Variants in CRX observed in about 807,000 individuals in gnomAD.
The protein encoded by CRX is cone-rod homeobox protein.
Under a neutral mutation model 13.1 loss-of-function variants are expected in CRX, and 5 were observed. The observed-to-expected ratio is 0.38, with a 90% confidence interval of 0.20 to 0.80. The LOEUF is 0.80. Among genes scored for constraint, CRX ranks in the 30% least tolerant of loss-of-function variants. The pLI is 0.43. For missense variants in CRX, 351 were observed against 391.8 expected (o/e 0.90, Z 0.88); for synonymous variants, 179 against 171.1 (o/e 1.05, Z -0.36).
intron 2 of CRX, among the ~76,000 whole-genome samples, chr19:47,834,912 C>T (rs1273151826): frequency 1.3e-5 from 2 of 152,172 alleles, no homozygotes; most frequent in South Asian, 2.1e-4. Flanking sequence ...CTCCTGGGCT[C>T]AAGCAATCCT....
chr19:47,827,558 T>TTG (rs1967989221), intron 1 of CRX, among the ~76,000 whole-genome samples: 1 of 137,990 alleles, frequency 7.2e-6, no homozygotes, highest in Non-Finnish European at 1.6e-5. Context: ...TTTTTTTTTT[T>TTG]GACAGAGTCT....
chr19:47,837,776 GATGT>G (rs1259716403), intron 3 of CRX, among the ~76,000 whole-genome samples: 3 of 152,118 alleles, frequency 2.0e-5, no homozygotes, highest in Non-Finnish European at 4.4e-5. Context: ...ATCTATGTAT[GATGT>G]ATGTGTGTAC....
At chr19:47,828,291 T>C (rs1211564374) in intron 1 of CRX, among the ~76,000 whole-genome samples, 1 of 152,048 alleles carries the variant, frequency 6.6e-6, no homozygotes, top group East Asian at 1.9e-4. Flanking sequence ...AGGGAAGGCA[T>C]TCAAAAAATA....
intron 1 of CRX, among the ~76,000 whole-genome samples, chr19:47,823,351 C>A (rs960627761): frequency 6.6e-6 from 1 of 152,160 alleles, no homozygotes; most frequent in African/African-American, 2.4e-5. Context: ...GCTGTGATTG[C>A]CACAGAGTGA....
At chr19:47,832,105 G>GTTTTTCTTT (rs1555801483) in intron 1 of CRX, among the ~76,000 whole-genome samples, 1 of 91,988 alleles carries the variant, frequency 1.1e-5, no homozygotes, top group Non-Finnish European at 2.1e-5. Flanking sequence ...GCAGCCTTAT[G>GTTTTTCTTT]TTTTTTTTTT....
intron 3 of CRX, among the ~76,000 whole-genome samples, chr19:47,838,865 T>C (rs56191881): frequency 0.3 from 45,551 of 150,344 alleles, 7,761 homozygotes; most frequent in African/African-American, 0.44. Context: ...GATGAAAATG[T>C]GTATGATGTA....
chr19:47,835,529 C>T (rs1294868553), intron 2 of CRX, among the ~76,000 whole-genome samples: 2 of 150,884 alleles, frequency 1.3e-5, no homozygotes, highest in Non-Finnish European at 3.0e-5. Flanking sequence ...GGATTACAGG[C>T]GCACACCACC....
At chr19:47,827,537 C>CTTTTTTTTTTTTT (rs71180887) in intron 1 of CRX, among the ~76,000 whole-genome samples, 1 of 90,384 alleles carries the variant, frequency 1.1e-5, no homozygotes, top group African/African-American at 4.6e-5. Context: ...TTTCTGAAGG[C>CTTTTTTTTTTTTT]TTTTTTTTTT....
intron 2 of CRX, among the ~76,000 whole-genome samples, chr19:47,835,972 G>A (rs183457891): frequency 1.4e-4 from 21 of 152,242 alleles, no homozygotes; most frequent in African/African-American, 5.1e-4. Context: ...GCAATGTCAT[G>A]CTTCAACTGA....
intron 1 of CRX, among the ~76,000 whole-genome samples, chr19:47,824,109 G>A (rs1967945679): frequency 6.6e-6 from 1 of 152,184 alleles, no homozygotes; most frequent in South Asian, 2.1e-4. Flanking sequence ...GCCTGCAGTG[G>A]GAGCAGGGCA....
At chr19:47,834,981 G>C (rs372193126) in intron 2 of CRX, among the ~76,000 whole-genome samples, 1 of 150,518 alleles carries the variant, frequency 6.6e-6, no homozygotes, top group Non-Finnish European at 1.5e-5. Flanking sequence ...GCCTAGGCCC[G>C]GGGGGCACTT....
chr19:47,838,183 A>G (rs1396132389), intron 3 of CRX, among the ~76,000 whole-genome samples: 35 of 152,066 alleles, frequency 2.3e-4, no homozygotes, highest in Admixed American at 2.3e-3. Flanking sequence ...TGATGTATGT[A>G]TGATCAGATA....
chr19:47,828,446 T>C (rs1794714543), intron 1 of CRX, among the ~76,000 whole-genome samples: 1 of 152,118 alleles, frequency 6.6e-6, no homozygotes, highest in Non-Finnish European at 1.5e-5. Flanking sequence ...ATTCTTTTTC[T>C]TATGTTTCAA....
At chr19:47,838,560 GTA>G (rs1296560291) in intron 3 of CRX, among the ~76,000 whole-genome samples, 2 of 152,106 alleles carry the variant, frequency 1.3e-5, no homozygotes, top group Non-Finnish European at 2.9e-5. Flanking sequence ...ATGTATGCGT[GTA>G]TGATGCATGT....
intron 1 of CRX, among the ~76,000 whole-genome samples, chr19:47,824,006 G>A (rs144558386): frequency 2.6e-5 from 4 of 152,138 alleles, no homozygotes; most frequent in Admixed American, 1.3e-4. Context: ...CCCCTCATGT[G>A]GGCTCTCTGG....
intron 1 of CRX, among the ~76,000 whole-genome samples, chr19:47,832,660 A>T (rs1286774705): frequency 6.6e-6 from 1 of 150,832 alleles, no homozygotes; most frequent in Non-Finnish European, 1.5e-5. Context: ...TAATTTTTGT[A>T]TTTTTAGTAG....
At chr19:47,828,547 T>G (rs538715323) in intron 1 of CRX, among the ~76,000 whole-genome samples, 2 of 151,862 alleles carry the variant, frequency 1.3e-5, no homozygotes, top group Non-Finnish European at 2.9e-5. Context: ...GGGAGAGAGA[T>G]AGATAAACAA....
chr19:47,839,453 C>T lies in CRX; in HGVS notation c.386C>T (p.Thr129Ile), dbSNP rs1223082776. The change falls in exon 4 of 4, where the codon ACA (threonine) becomes ATA (isoleucine). Residue 129 changes from threonine to isoleucine, a missense_variant. Physicochemically the swap from Thr to Ile is moderately conservative, Grantham distance 89. Around this residue, in one of 3 missense-constraint regions of CRX, gnomAD observed 253 missense variants for 268.3 expected, o/e 0.94. Coordinates refer to ENST00000221996, the MANE Select transcript of CRX (RefSeq NM_000554.6). This position sits in a 1 kb window ranked among gnomAD's most constrained non-coding sequence, Gnocchi z 4.6. ...GCGGGCACGTCCCCAAGACCCTCCA[C>T]AGATGTGTGTCCAGACCCTCTGGGC... ...RKAGTSPRPS[T>I]DVCPDPLGIS... 1 of 1,614,038 alleles carries T rather than the reference C, an allele frequency of 6.2e-7. No individual in the cohort carries two copies. The highest frequency in any genetic ancestry group is 8.5e-7 in the Non-Finnish European group (1 of 1,179,934).
rs558522333 is a variant in CRX, at chr19:47,834,463, C to T, written c.20C>T (p.Pro7Leu). Reference sequence around the variant, plus strand: ...AAGATCATGATGGCGTATATGAACCCGGGGCCCCACTATTCTGTCAACGCC... The same window carrying T: ...AAGATCATGATGGCGTATATGAACCTGGGGCCCCACTATTCTGTCAACGCC... Reference protein sequence around the residue: MMAYMNPGPHYSVNALA... With the variant: MMAYMNLGPHYSVNALA... Residue 7 changes from proline (P) to leucine (L), a missense_variant, in exon 2 of 4, where the codon CCG (proline) becomes CTG (leucine). Around this residue, in one of 3 missense-constraint regions of CRX, gnomAD observed 95 missense variants for 106.7 expected, o/e 0.89. Transcript: ENST00000221996. 1.4e-5 allele frequency: 22 copies of T among 1,614,122 alleles called. No individual in the cohort carries two copies. The highest frequency in any genetic ancestry group is 2.2e-5 in the South Asian group (2 of 91,082).
Sources: allele counts gnomAD v4.1 joint callset (sites outside exome capture counted in the v4.1 genomes callset), GRCh38; gene constraint gnomAD v4.1.1; regional missense constraint gnomAD v4.1.1; non-coding constraint Gnocchi (gnomAD v3.1); transcripts MANE v1.5; gene names NCBI Gene and HGNC (gene_info 2026-07-23, HGNC 2026-07-21).